GTF3C1: variants seen among roughly 807,000 people sequenced by gnomAD.
GTF3C1 encodes the protein general transcription factor IIIC subunit 1.
A neutral mutation model predicts 226.7 loss-of-function variants in GTF3C1; 57 were observed. The observed-to-expected ratio is 0.25, with a 90% confidence interval of 0.20 to 0.31. GTF3C1 has a LOEUF of 0.31. Among genes scored for constraint, GTF3C1 ranks in the 10% least tolerant of loss-of-function variants. The pLI, the probability that GTF3C1 is intolerant of heterozygous loss-of-function variation, is 1.00. For synonymous variants in GTF3C1, 1,090 were observed against 1,084.8 expected, an observed-to-expected ratio of 1.00 and a Z score of -0.09; for missense variants, 2,217 against 2,776.1, an observed-to-expected ratio of 0.80 and a Z score of 4.53.
rs776861550 is a variant in GTF3C1, at chr16:27,470,439, TG to T, written c.4527-45del. ...GAAGGGCCTGACTGAGGGCCAGCTG[TG>T]GGAAGCCTTCATTTGGATGGACTAT... On this transcript the variant is annotated intron_variant, in intron 30 of 36. Coordinates refer to ENST00000356183, the MANE Select transcript of GTF3C1 (RefSeq NM_001520.4). The surrounding 1 kb of genome is among the most constrained non-coding windows in gnomAD (Gnocchi z 4.9). The T allele has an allele frequency of 2.0e-6, 3 of 1,525,974 alleles. No individual in the cohort carries two copies. The highest frequency in any genetic ancestry group is 2.3e-5 in the South Asian group (2 of 85,562). The allele number at this position is 1,525,974 out of a possible 1,614,324, so 94.5% of individuals were successfully genotyped here. A position where few individuals can be genotyped will look rare whatever the true frequency, so the allele number is the denominator to read the frequency against.
At chr16:27,534,227 G>A (rs1178686201) in intron 4 of GTF3C1, among the ~76,000 whole-genome samples, 2 of 152,208 alleles carry the variant, frequency 1.3e-5, no homozygotes, top group African/African-American at 4.8e-5. Context: ...CTACCGTGAA[G>A]CGGATGTCAT....
chr16:27,537,104 G>A (rs950757726), intron 4 of GTF3C1, among the ~76,000 whole-genome samples: 4 of 152,110 alleles, frequency 2.6e-5, no homozygotes, highest in Admixed American at 1.3e-4. Flanking sequence ...GCAGAACCTC[G>A]CCATCTTGTC....
In GTF3C1 at chr16:27,538,335, G is replaced by C. The variant is rs367815308; in HGVS notation, c.453C>G (p.Ile151Met). The C allele has an allele frequency of 1.3e-5, 21 of 1,557,374 alleles. No homozygotes were observed. The highest frequency in any genetic ancestry group is 1.7e-5 in the Non-Finnish European group (20 of 1,154,110). The change falls in exon 3 of 37, where the codon ATC becomes ATG. Residue 151 changes from isoleucine to methionine, a missense_variant. Physicochemically the swap from Ile to Met is conservative, Grantham distance 10. Transcript: ENST00000356183. ...AFDRWGKKLI[I>M]VASQAMRYRA... ...TGTACCGCATGGCCTGGGAGGCAAC[G>C]ATGATCAGTTTCTTCCCCCACCTGC...
intron 2 of GTF3C1, among the ~76,000 whole-genome samples, chr16:27,543,300 C>A (rs562233112): frequency 2.6e-5 from 4 of 152,162 alleles, no homozygotes; most frequent in Admixed American, 2.0e-4. Context: ...GCAGGAGAAT[C>A]GCTTGAACCT....
At chr16:27,494,573 TC>T (rs1269862526) in intron 16 of GTF3C1, among the ~76,000 whole-genome samples, 189 bp downstream of exon 16, 2 of 152,102 alleles carry the variant, frequency 1.3e-5, no homozygotes, top group African/African-American at 4.8e-5. Context: ...TCTAATCTAG[TC>T]TAATCTATCT....
chr16:27,473,321 A>C (rs76380696), intron 29 of GTF3C1, among the ~76,000 whole-genome samples: 2 of 152,270 alleles, frequency 1.3e-5, no homozygotes, highest in African/African-American at 4.8e-5. Flanking sequence ...GGCCCCGCCT[A>C]GTGAACAAGC....
rs534856757 is a variant in GTF3C1, at chr16:27,472,558, C to T, written c.4354-638G>A. ...AGATGTGACCACAACCAGTCCTTCA[C>T]GACAAGGAGCCTGATAAGTGGGACC... On this transcript the variant is annotated intron_variant, in intron 29 of 36. Coordinates refer to ENST00000356183, the MANE Select transcript of GTF3C1 (RefSeq NM_001520.4). Among the ~76,000 whole-genome samples, 22 of 152,340 alleles carry T rather than the reference C, an allele frequency of 1.4e-4. No homozygotes were observed. The East Asian group carries it at 1.5e-3, about 11-fold the overall frequency.
At chr16:27,531,108 T>G (rs191055598) in intron 5 of GTF3C1, among the ~76,000 whole-genome samples, 2 of 152,240 alleles carry the variant, frequency 1.3e-5, no homozygotes, top group Non-Finnish European at 2.9e-5. Context: ...GTCTCCCGAG[T>G]AGCTGGACTG....
At chr16:27,482,108 A>G (rs1248624894) in intron 26 of GTF3C1, among the ~76,000 whole-genome samples, 1 of 151,920 alleles carries the variant, frequency 6.6e-6, no homozygotes, top group Non-Finnish European at 1.5e-5. Flanking sequence ...CCCCTGATAC[A>G]AGGGCCATGT....
intron 32 of GTF3C1, among the ~76,000 whole-genome samples, chr16:27,467,984 G>C (rs2087809606): frequency 6.6e-6 from 1 of 152,040 alleles, no homozygotes; most frequent in Non-Finnish European, 1.5e-5. Flanking sequence ...CACCATTCTA[G>C]ATGCCATTAA....
At chr16:27,528,154 A>G (rs1388699442) in intron 6 of GTF3C1, among the ~76,000 whole-genome samples, 2 of 152,222 alleles carry the variant, frequency 1.3e-5, no homozygotes, top group Admixed American at 1.3e-4. Flanking sequence ...GGGCACCTGC[A>G]GTTTCAGCTA....
chr16:27,533,273 G>A lies in GTF3C1; in HGVS notation c.849+18C>T. 7.3e-7 allele frequency: 1 copy of A among 1,377,710 alleles called. No homozygotes were observed. The highest frequency in any genetic ancestry group is 1.0e-6 in the Non-Finnish European group (1 of 964,372). The allele number at this position is 1,377,710 out of a possible 1,614,324, so 85.3% of individuals were successfully genotyped here. On this transcript the variant is annotated intron_variant, in intron 5 of 36. Transcript: ENST00000356183. ...ACAGATCACACCCAGCCCCGCCCGT[G>A]GGAAACCCCAGGCTCACCAGCTCTT...
At chr16:27,522,040 A>T (rs1032439935) in intron 6 of GTF3C1, among the ~76,000 whole-genome samples, 1 of 152,208 alleles carries the variant, frequency 6.6e-6, no homozygotes, top group Non-Finnish European at 1.5e-5. Context: ...TGGCCATTTT[A>T]ACTATCATAA....
At chr16:27,518,834 T>C (rs371137466) in intron 6 of GTF3C1, among the ~76,000 whole-genome samples, 1 of 152,202 alleles carries the variant, frequency 6.6e-6, no homozygotes, top group Non-Finnish European at 1.5e-5. Flanking sequence ...AAGTTCTTCA[T>C]GGGTAAAATG....
At position 27,492,198 on chromosome 16, in the gene GTF3C1, G is replaced by A; in HGVS notation, c.3151+140C>T. ...CACTTTCCTTTCCAAGGGAGCCCCA[G>A]GGGTGCTCTGGGCCTCTGGGGAGCA... is the stretch of plus-strand genomic sequence containing the variant. On this transcript the variant is annotated intron_variant, in intron 19 of 36. Coordinates refer to ENST00000356183, the MANE Select transcript of GTF3C1 (RefSeq NM_001520.4). The surrounding 1 kb of genome is among the most constrained non-coding windows in gnomAD (Gnocchi z 5.0). The A allele has an allele frequency of 1.7e-6, 1 of 604,034 alleles. No individual in the cohort carries two copies. Among genetic ancestry groups the A allele is most frequent in the Non-Finnish European group, 2.9e-6 (1 of 340,568 alleles). The allele number at this position is 604,034 out of a possible 1,614,324, so 37.4% of individuals were successfully genotyped here. A position where few individuals can be genotyped will look rare whatever the true frequency, so the allele number is the denominator to read the frequency against.
At chr16:27,548,480 G>A (rs756267221) in intron 1 of GTF3C1, among the ~76,000 whole-genome samples, 5 of 152,176 alleles carry the variant, frequency 3.3e-5, no homozygotes, top group East Asian at 3.9e-4. Context: ...TTGGTCAGGC[G>A]GGTCTTGAAC....
chr16:27,485,787 G>C (rs2088129461), intron 24 of GTF3C1, among the ~76,000 whole-genome samples: 3 of 152,252 alleles, frequency 2.0e-5, no homozygotes, highest in Admixed American at 2.0e-4. Flanking sequence ...AGTGAGCTGT[G>C]ATCGTGCCAC....
chr16:27,521,612 G>A (rs558666072), intron 6 of GTF3C1, among the ~76,000 whole-genome samples: 1 of 152,380 alleles, frequency 6.6e-6, no homozygotes, highest in Admixed American at 6.5e-5. Context: ...GGACTCAGCA[G>A]AAGTTACTCA....
rs2088573512 is a variant in GTF3C1, at chr16:27,511,736, GA to G, written c.1126+12del. On this transcript the variant is annotated intron_variant, in intron 7 of 36. Transcript: ENST00000356183. ...GGGATCCATATCCAAGCTGGCATGG[GA>G]ACAAGACTTACTGAGGTCGTAGGTC... is the stretch of plus-strand genomic sequence containing the variant. The G allele has an allele frequency of 6.2e-7, 1 of 1,613,362 alleles. No individual in the cohort carries two copies. Among genetic ancestry groups the G allele is most frequent in the Admixed American group, 1.7e-5 (1 of 59,930 alleles).
Sources: gnomAD v4.1 joint callset for allele counts (sites outside exome capture counted in the v4.1 genomes callset) on GRCh38, gnomAD v4.1.1 for gene constraint, Gnocchi (gnomAD v3.1) non-coding constraint, MANE v1.5 for transcripts, NCBI Gene and HGNC (gene_info 2026-07-23, HGNC 2026-07-21) for gene names.